The following STPG2 variants were observed in gnomAD, a reference collection of about 807,000 sequenced individuals.
The protein encoded by STPG2 is sperm-tail PG-rich repeat-containing protein 2.
A neutral mutation model predicts 54.2 loss-of-function variants in STPG2; 56 were observed. That is an observed-to-expected ratio of 1.03 (90% confidence interval 0.83 to 1.29). STPG2 has a LOEUF of 1.29. Among genes scored for constraint, STPG2 ranks in the 50% most tolerant of loss-of-function variants. The probability of loss-of-function intolerance (pLI) is 0.00; values close to 1 mark genes in which losing one functional copy is unlikely to be tolerated. For synonymous variants in STPG2, 200 were observed against 181.8 expected, an observed-to-expected ratio of 1.10 and a Z score of -0.81; for missense variants, 596 against 544.9, an observed-to-expected ratio of 1.09 and a Z score of -0.93.
chr4:97,738,559 A>T (rs1382801755), intron 9 of STPG2, among the ~76,000 whole-genome samples: 1 of 152,218 alleles, frequency 6.6e-6, no homozygotes, highest in Non-Finnish European at 1.5e-5. Flanking sequence ...AGGGGTTCCA[A>T]TCCTAGTCTC....
chr4:97,544,597 A>G (rs924549853), intron 4 of STPG2, among the ~76,000 whole-genome samples: 4 of 152,098 alleles, frequency 2.6e-5, no homozygotes, highest in African/African-American at 9.6e-5. Context: ...AAAAATGAAG[A>G]CAAGGTGATT....
At chr4:97,980,012 C>T (rs1258037412) in intron 6 of STPG2, among the ~76,000 whole-genome samples, 2 of 152,062 alleles carry the variant, frequency 1.3e-5, no homozygotes, top group East Asian at 1.9e-4. Flanking sequence ...TGTGAGCCAC[C>T]GTGCCAGGCG....
intron 4 of STPG2, among the ~76,000 whole-genome samples, chr4:97,476,283 T>C (rs1387159850): frequency 6.6e-6 from 1 of 152,120 alleles, no homozygotes; most frequent in Non-Finnish European, 1.5e-5. Context: ...TCCTAATATA[T>C]CTAGTTTTAT....
chr4:97,549,731 G>T (rs1731923800), intron 4 of STPG2, among the ~76,000 whole-genome samples: 1 of 152,140 alleles, frequency 6.6e-6, no homozygotes, highest in African/African-American at 2.4e-5. Flanking sequence ...GCAGAGACTG[G>T]AGTTATGTTT....
At chr4:97,603,353 C>G (rs1490148463) in intron 10 of STPG2, among the ~76,000 whole-genome samples, 1 of 151,596 alleles carries the variant, frequency 6.6e-6, no homozygotes, top group African/African-American at 2.4e-5. Flanking sequence ...AACAGTTGTA[C>G]ATGGCTGTTG....
intron 9 of STPG2, among the ~76,000 whole-genome samples, chr4:97,789,841 A>C (rs1726937134): frequency 6.6e-6 from 1 of 152,152 alleles, no homozygotes. Context: ...ACACTAAGAT[A>C]CTGAACTTTG....
chr4:97,673,226 T>TG (rs1722748915), intron 10 of STPG2, among the ~76,000 whole-genome samples: 1 of 152,180 alleles, frequency 6.6e-6, no homozygotes, highest in African/African-American at 2.4e-5. Context: ...GGGTAAAACT[T>TG]GCATCCAATG....
At chr4:97,895,159 C>A (rs139081047) in intron 8 of STPG2, among the ~76,000 whole-genome samples, 6 of 151,580 alleles carry the variant, frequency 4.0e-5, no homozygotes, top group East Asian at 1.9e-4. Flanking sequence ...AGTGATGACA[C>A]GGTAATAATA....
intron 4 of STPG2, among the ~76,000 whole-genome samples, chr4:97,484,288 T>C (rs1730300340): frequency 1.3e-5 from 2 of 151,764 alleles, no homozygotes; most frequent in Admixed American, 1.3e-4. Context: ...GCCAGTTCTT[T>C]GAAAAGATAA....
intron 4 of STPG2, among the ~76,000 whole-genome samples, chr4:97,524,743 G>A (rs1030375538): frequency 1.3e-5 from 2 of 151,902 alleles, no homozygotes; most frequent in Non-Finnish European, 2.9e-5. Context: ...CCAGTCCTGA[G>A]TTTCTCTTGG....
chr4:97,806,245 C>A (rs1297382843), intron 9 of STPG2, among the ~76,000 whole-genome samples: 2 of 152,042 alleles, frequency 1.3e-5, no homozygotes, highest in African/African-American at 4.8e-5. Flanking sequence ...AGGCTGTTAT[C>A]CAAAGTTAAT....
In STPG2 at chr4:98,128,512, A is replaced by G; in HGVS notation, c.303T>C (p.His101=). ...IPSCGKSYGY[H]INDDGSIIKC... ...TTATAATACTGCCATCATCATTAAT[A>G]TGATAACCATATGACTTTCCACAAG... Residue 101 remains histidine, a synonymous_variant, in exon 3 of 11, where the codon CAT becomes CAC. Coordinates refer to ENST00000295268, the MANE Select transcript of STPG2 (RefSeq NM_174952.3). The G allele has an allele frequency of 6.2e-7, 1 of 1,613,766 alleles. No individual in the cohort carries two copies. The highest frequency in any genetic ancestry group is 1.3e-5 in the African/African-American group (1 of 75,042).
In STPG2 at chr4:98,032,723, C is replaced by T. The variant is rs559712492; in HGVS notation, c.613-51405G>A. On this transcript the variant is annotated intron_variant, in intron 5 of 10. Coordinates refer to ENST00000295268, the MANE Select transcript of STPG2 (RefSeq NM_174952.3). ...ACACTCCTCAGCAAATGCAAAAGAA[C>T]GGAAATCATAACAAACTGTCTCTCA... is the stretch of plus-strand genomic sequence containing the variant. Among the ~76,000 whole-genome samples the T allele has an allele frequency of 5.3e-5, 8 of 152,188 alleles. No homozygotes were observed. The South Asian group carries it at 8.3e-4, about 16-fold the overall frequency.
chr4:97,906,848 G>T (rs1225759475), intron 8 of STPG2, among the ~76,000 whole-genome samples: 1 of 152,106 alleles, frequency 6.6e-6, no homozygotes, highest in Admixed American at 6.5e-5. Context: ...AATAAATTAG[G>T]TATTGATGGG....
chr4:97,638,038 C>G (rs1174771890), intron 10 of STPG2, among the ~76,000 whole-genome samples: 1 of 152,092 alleles, frequency 6.6e-6, no homozygotes, highest in Non-Finnish European at 1.5e-5. Flanking sequence ...ATCGCCAAGT[C>G]AATCCTAAGC....
At chr4:97,764,587 AT>A (rs1296863285) in intron 9 of STPG2, among the ~76,000 whole-genome samples, 5 of 152,172 alleles carry the variant, frequency 3.3e-5, no homozygotes, top group Admixed American at 6.6e-5. Flanking sequence ...AACAAATGAA[AT>A]GCAGCAGAGA....
chr4:98,000,230 AT>A, intron 5 of STPG2, among the ~76,000 whole-genome samples: 1 of 152,264 alleles, frequency 6.6e-6, no homozygotes, highest in Non-Finnish European at 1.5e-5. Context: ...TAAAAACAAG[AT>A]AATATTCAGC....
intron 3 of STPG2, among the ~76,000 whole-genome samples, chr4:98,125,399 T>C (rs760147608): frequency 2.6e-5 from 4 of 151,770 alleles, no homozygotes; most frequent in Admixed American, 6.5e-5. Context: ...TGTTGCTGTT[T>C]GTTTGTCTCT....
At chr4:97,901,657 G>A (rs528449314) in intron 8 of STPG2, among the ~76,000 whole-genome samples, 2 of 151,602 alleles carry the variant, frequency 1.3e-5, no homozygotes, top group East Asian at 1.9e-4. Flanking sequence ...ATAAAATATT[G>A]ATAAAAGAAA....
Sources: gnomAD v4.1 joint callset for allele counts (sites outside exome capture counted in the v4.1 genomes callset) on GRCh38, gnomAD v4.1.1 for gene constraint, MANE v1.5 for transcripts, NCBI Gene and HGNC (gene_info 2026-07-23, HGNC 2026-07-21) for gene names.